GLIS3: variants seen among roughly 807,000 people sequenced by gnomAD.
The protein encoded by GLIS3 is GLIS family zinc finger 3.
A neutral mutation model predicts 78.6 loss-of-function variants in GLIS3; 53 were observed. That is an observed-to-expected ratio of 0.67 (90% CI 0.54 to 0.85). GLIS3 has a LOEUF of 0.85. Among genes scored for constraint, GLIS3 ranks in the 40% least tolerant of loss-of-function variants. The pLI is 0.00. For missense variants in GLIS3, 1,703 were observed against 1,231.1 expected, an observed-to-expected ratio of 1.38 and a Z score of -5.74; for synonymous variants, 684 against 509.9, an observed-to-expected ratio of 1.34 and a Z score of -4.60.
intron 2 of GLIS3, among the ~76,000 whole-genome samples, chr9:4,257,586 T>TTGTTGTTGTTGTTGTTGTTGTTGTTGTTG (rs376998444): frequency 3.3e-5 from 5 of 150,464 alleles, no homozygotes; most frequent in East Asian, 2.0e-4. Flanking sequence ...GTTGTTGTTA[T>TTGTTGTTGTTGTTGTTGTTGTTGTTGTTG]TTTTTGAGAC....
At chr9:4,306,172 T>C (rs556904407) in intron 4 of GLIS3, 1 of 152,344 alleles carries the variant, frequency 6.6e-6, no homozygotes, top group East Asian at 1.9e-4. Flanking sequence ...CCCGACCTCC[T>C]GGGCTCAAGT....
chr9:4,280,237 G>T (rs1340907638), intron 2 of GLIS3, among the ~76,000 whole-genome samples: 1 of 152,194 alleles, frequency 6.6e-6, no homozygotes, highest in Non-Finnish European at 1.5e-5. Flanking sequence ...TGCCCAGACT[G>T]GTCTTGAGCT....
At chr9:4,152,447 G>A (rs1486822518) in intron 2 of GLIS3, among the ~76,000 whole-genome samples, 1 of 152,064 alleles carries the variant, frequency 6.6e-6, no homozygotes, top group Non-Finnish European at 1.5e-5. Flanking sequence ...TCATCCAAAG[G>A]CTATTGTTTG....
At chr9:4,414,043 C>T in the GLIS3 span, among the ~76,000 whole-genome samples, 144 of 152,164 alleles carry the variant, frequency 9.5e-4, no homozygotes, top group African/African-American at 1.9e-3. Flanking sequence ...CCATATTTCT[C>T]GGGAAAACAC....
chr9:4,355,739 C>T, the GLIS3 span, among the ~76,000 whole-genome samples: 2 of 152,302 alleles, frequency 1.3e-5, no homozygotes, highest in South Asian at 2.1e-4. Flanking sequence ...GAATGAGAGC[C>T]TATACACCCT....
chr9:3,940,308 C>T (rs1815781392), intron 4 of GLIS3, among the ~76,000 whole-genome samples: 1 of 152,028 alleles, frequency 6.6e-6, no homozygotes, highest in South Asian at 2.1e-4. Flanking sequence ...CTTTAATGAG[C>T]AAGCATGTCT....
chr9:4,302,128 G>T (rs965994055), upstream of GLIS3, among the ~76,000 whole-genome samples: 1 of 152,068 alleles, frequency 6.6e-6, no homozygotes, highest in Non-Finnish European at 1.5e-5. Context: ...CTTCTGGGCT[G>T]AATTGGTCAG....
In GLIS3 at chr9:4,149,147, T is replaced by G. The variant is rs1041247391; in HGVS notation, c.389-23206A>C. ...CTACTGCTACTAAGAATAATAATGATAGTGATTCATCTATACATTAAAAAT... is the reference window on the plus strand; with the variant it reads ...CTACTGCTACTAAGAATAATAATGAGAGTGATTCATCTATACATTAAAAAT... On this transcript the variant is annotated intron_variant, in intron 2 of 10. Coordinates refer to ENST00000381971, the MANE Select transcript of GLIS3 (RefSeq NM_001042413.2). Among the ~76,000 whole-genome samples the G allele has an allele frequency of 5.9e-5, 9 of 152,140 alleles. 1 individual carries two copies. The highest frequency in any genetic ancestry group is 2.2e-4 in the African/African-American group (9 of 41,436).
intron 6 of GLIS3, among the ~76,000 whole-genome samples, chr9:3,931,977 G>T (rs1274914129): frequency 1.3e-5 from 2 of 152,150 alleles, no homozygotes; most frequent in African/African-American, 4.8e-5. Flanking sequence ...TTTCCAGAAG[G>T]ATTTCTGTGG....
At chr9:4,215,755 A>G (rs1820769202) in intron 2 of GLIS3, among the ~76,000 whole-genome samples, 1 of 152,212 alleles carries the variant, frequency 6.6e-6, no homozygotes, top group South Asian at 2.1e-4. Flanking sequence ...TCCTCATAAC[A>G]TTGTGGTACT....
intron 4 of GLIS3, among the ~76,000 whole-genome samples, chr9:3,971,718 C>A (rs936572727): frequency 6.6e-6 from 1 of 152,106 alleles, no homozygotes; most frequent in Non-Finnish European, 1.5e-5. Context: ...TACACTTAAG[C>A]CTCTAATAAT....
chr9:3,893,260 C>A (rs1349337333), intron 7 of GLIS3, among the ~76,000 whole-genome samples: 1 of 152,108 alleles, frequency 6.6e-6, no homozygotes, highest in Non-Finnish European at 1.5e-5. Context: ...GCAAAACTTG[C>A]ACATATTGTA....
At chr9:4,486,588 T>C in the GLIS3 span, among the ~76,000 whole-genome samples, 4 of 152,246 alleles carry the variant, frequency 2.6e-5, no homozygotes, top group African/African-American at 9.6e-5. Flanking sequence ...GTCTCCCGTG[T>C]GTATACGTTC....
chr9:4,262,355 T>C (rs1825609250), intron 2 of GLIS3, among the ~76,000 whole-genome samples: 1 of 152,068 alleles, frequency 6.6e-6, no homozygotes, highest in African/African-American at 2.4e-5. Flanking sequence ...CTTGACAGAG[T>C]GCTGAGTGGC....
the GLIS3 span, among the ~76,000 whole-genome samples, chr9:4,369,329 G>A: frequency 6.6e-6 from 1 of 152,098 alleles, no homozygotes; most frequent in East Asian, 1.9e-4. Flanking sequence ...TCTCTGACAT[G>A]GAATAAAAAT....
intron 2 of GLIS3, among the ~76,000 whole-genome samples, chr9:4,186,851 T>C (rs1343570682): frequency 6.6e-6 from 1 of 152,206 alleles, no homozygotes; most frequent in Non-Finnish European, 1.5e-5. Context: ...GGGTTGTTTT[T>C]TTCTTGTAAA....
At chr9:3,872,652 A>G (rs574450648) in intron 8 of GLIS3, among the ~76,000 whole-genome samples, 29 of 152,344 alleles carry the variant, frequency 1.9e-4, no homozygotes, top group African/African-American at 6.7e-4. Flanking sequence ...CGATGATTCA[A>G]TTATCTCCCA....
At chr9:4,204,775 G>A (rs1464937892) in intron 2 of GLIS3, among the ~76,000 whole-genome samples, 4 of 152,084 alleles carry the variant, frequency 2.6e-5, no homozygotes, top group South Asian at 2.1e-4. Flanking sequence ...TTAGCCGGGC[G>A]TGGTGGCAGG....
the GLIS3 span, among the ~76,000 whole-genome samples, chr9:4,448,310 C>G: frequency 6.6e-6 from 1 of 152,174 alleles, no homozygotes; most frequent in African/African-American, 2.4e-5. Flanking sequence ...CTATTCCCAA[C>G]AAAGCCACAC....
Sources: allele counts gnomAD v4.1 joint callset (sites outside exome capture counted in the v4.1 genomes callset), GRCh38; gene constraint gnomAD v4.1.1; transcripts MANE v1.5; gene names NCBI Gene and HGNC (gene_info 2026-07-23, HGNC 2026-07-21).